The following ARHGAP24 variants were observed in gnomAD, a reference collection of about 807,000 sequenced individuals.
ARHGAP24 encodes rho GTPase-activating protein 24.
ARHGAP24 carries 50 observed loss-of-function variants against 76.4 expected under a neutral mutation model. That is an observed-to-expected ratio of 0.65 (90% confidence interval 0.52 to 0.83). The LOEUF is 0.83. ARHGAP24 is among the 40% of genes least tolerant of loss of function. The pLI is 0.00. For synonymous variants in ARHGAP24, 345 were observed against 323.3 expected (o/e 1.07, Z -0.72); for missense variants, 930 against 914.2 (o/e 1.02, Z -0.22).
intron 3 of ARHGAP24, among the ~76,000 whole-genome samples, chr4:85,871,663 A>G (rs1732530112): frequency 6.6e-6 from 1 of 152,184 alleles, no homozygotes; most frequent in Non-Finnish European, 1.5e-5. Flanking sequence ...GAGGGTTCTT[A>G]ATAGACTGTG....
intron 3 of ARHGAP24, among the ~76,000 whole-genome samples, chr4:85,868,943 G>T (rs1732362789): frequency 6.6e-6 from 1 of 151,410 alleles, no homozygotes; most frequent in Admixed American, 6.6e-5. Context: ...ATTTTTCATT[G>T]ATCTATCATA....
At position 85,571,231 on chromosome 4, in the gene ARHGAP24, A is replaced by G. The variant is rs191429492; in HGVS notation, c.180+510A>G. Among the ~76,000 whole-genome samples the G allele has an allele frequency of 1.7e-3, 265 of 152,358 alleles. 1 individual carries two copies. The highest frequency in any genetic ancestry group is 5.9e-3 in the African/African-American group (246 of 41,594). ...ACTGATACATTCAACCAGCATACAT[A>G]ATGTACCAATCCTTCTGTGAATAGT... On this transcript the variant is annotated intron_variant, in intron 2 of 9. Coordinates refer to ENST00000395184, the MANE Select transcript of ARHGAP24 (RefSeq NM_001025616.3).
intron 1 of ARHGAP24, among the ~76,000 whole-genome samples, chr4:85,556,134 T>G (rs1726353628): frequency 6.6e-6 from 1 of 151,526 alleles, no homozygotes; most frequent in African/African-American, 2.4e-5. Flanking sequence ...CCCGACTGGG[T>G]GAAGAGTGGG....
chr4:85,971,905 C>G, intron 5 of ARHGAP24, 131 bp from the exon 6 acceptor site: 1 of 1,295,334 alleles, frequency 7.7e-7, no homozygotes, highest in South Asian at 1.3e-5. Flanking sequence ...AATGAGTGCT[C>G]TCTGAAAACT....
chr4:85,751,472 C>T (rs34322771), intron 3 of ARHGAP24, among the ~76,000 whole-genome samples: 34,320 of 152,002 alleles, frequency 0.23, 4,393 homozygotes, highest in East Asian at 0.54. Context: ...GTTTATAGGC[C>T]AAAATCAGTC....
intron 2 of ARHGAP24, among the ~76,000 whole-genome samples, chr4:85,613,357 C>A (rs901766892): frequency 2.8e-4 from 42 of 152,104 alleles, no homozygotes; most frequent in African/African-American, 9.7e-4. Context: ...ATTGCATGAA[C>A]CCTGTCCTGT....
chr4:85,601,060 A>AT (rs1720011363), intron 2 of ARHGAP24, among the ~76,000 whole-genome samples: 1 of 152,084 alleles, frequency 6.6e-6, no homozygotes, highest in South Asian at 2.1e-4. Context: ...CTTGTTACAT[A>AT]TTTTTACTTT....
At chr4:85,937,572 C>T (rs1479536377) in intron 4 of ARHGAP24, among the ~76,000 whole-genome samples, 1 of 151,968 alleles carries the variant, frequency 6.6e-6, no homozygotes, top group African/African-American at 2.4e-5. Flanking sequence ...GAGGACAGAA[C>T]CCAGACAACT....
chr4:85,533,106 T>C (rs907494291), intron 1 of ARHGAP24, among the ~76,000 whole-genome samples: 1 of 152,118 alleles, frequency 6.6e-6, no homozygotes, highest in African/African-American at 2.4e-5. Context: ...TGAGATAAAA[T>C]ATATAGTGGG....
chr4:85,541,040 G>A (rs545036308), intron 1 of ARHGAP24, among the ~76,000 whole-genome samples: 3 of 128,450 alleles, frequency 2.3e-5, no homozygotes, highest in South Asian at 2.2e-4. Context: ...AACACAATCC[G>A]GTATTTGTGC....
intron 3 of ARHGAP24, among the ~76,000 whole-genome samples, chr4:85,737,670 G>A (rs969895507): frequency 1.3e-5 from 2 of 152,126 alleles, no homozygotes; most frequent in Non-Finnish European, 2.9e-5. Context: ...GCTGTTACAT[G>A]TACTCACTTT....
intron 1 of ARHGAP24, among the ~76,000 whole-genome samples, chr4:85,529,816 G>C (rs1025593785): frequency 6.6e-6 from 1 of 151,982 alleles, no homozygotes; most frequent in Admixed American, 6.6e-5. Context: ...CCATTTGAAT[G>C]GTCAGCAAAA....
At chr4:85,494,762 T>C (rs1723492302) in intron 1 of ARHGAP24, among the ~76,000 whole-genome samples, 1 of 152,052 alleles carries the variant, frequency 6.6e-6, no homozygotes, top group Admixed American at 6.5e-5. Flanking sequence ...TTCAAGTTTC[T>C]GTAACGGAAT....
chr4:85,840,017 C>CTTTTTTTTTTTTTTT (rs70948759), intron 3 of ARHGAP24, among the ~76,000 whole-genome samples: 2 of 116,050 alleles, frequency 1.7e-5, no homozygotes, highest in Non-Finnish European at 3.5e-5. Flanking sequence ...GCCTGGCTAA[C>CTTTTTTTTTTTTTTT]TTTTTTTTTT....
chr4:85,783,796 T>C (rs1433245319), intron 3 of ARHGAP24, among the ~76,000 whole-genome samples: 1 of 151,744 alleles, frequency 6.6e-6, no homozygotes, highest in Non-Finnish European at 1.5e-5. Context: ...ATTTTGTTAA[T>C]GAGTATTTGC....
intron 2 of ARHGAP24, among the ~76,000 whole-genome samples, chr4:85,655,792 T>TATATATAGAG (rs1553920518): frequency 4.8e-4 from 18 of 37,696 alleles, no homozygotes; most frequent in African/African-American, 1.8e-3. Context: ...TATATATATA[T>TATATATAGAG]AGAGAGAGAG....
intron 3 of ARHGAP24, among the ~76,000 whole-genome samples, chr4:85,756,292 G>T (rs1726491982): frequency 6.6e-6 from 1 of 152,076 alleles, no homozygotes; most frequent in South Asian, 2.1e-4. Flanking sequence ...ATTTAATCAA[G>T]AAAGAATACA....
At chr4:85,672,342 T>C (rs75373387) in intron 2 of ARHGAP24, among the ~76,000 whole-genome samples, 4,443 of 152,294 alleles carry the variant, frequency 0.029, 195 homozygotes, top group African/African-American at 0.1. Context: ...CCTTTTAGTC[T>C]AGCTTTCCTT....
intron 1 of ARHGAP24, among the ~76,000 whole-genome samples, chr4:85,558,281 C>T (rs1212330307): frequency 6.6e-6 from 1 of 152,118 alleles, no homozygotes; most frequent in Non-Finnish European, 1.5e-5. Flanking sequence ...CTTCAAATAA[C>T]ATATGTGCCA....
Sources: allele counts gnomAD v4.1 joint callset (sites outside exome capture counted in the v4.1 genomes callset), GRCh38; gene constraint gnomAD v4.1.1; transcripts MANE v1.5; gene names NCBI Gene and HGNC (gene_info 2026-07-23, HGNC 2026-07-21).